Variants in EVL observed in about 807,000 individuals in gnomAD.
EVL encodes the protein Enah/Vasp-like.
EVL carries 21 observed loss-of-function variants against 59.6 expected under a neutral mutation model. The ratio of observed to expected loss-of-function variants is 0.35; its 90% confidence interval spans 0.25 to 0.51. EVL has a LOEUF of 0.51. Among genes scored for constraint, EVL ranks in the 20% least tolerant of loss-of-function variants. The pLI, the probability that EVL is intolerant of heterozygous loss-of-function variation, is 0.97. For synonymous variants in EVL, 198 were observed against 203.5 expected (o/e 0.97, Z 0.23); for missense variants, 462 against 546.6 (o/e 0.85, Z 1.54).
At chr14:100,136,630 G>T (rs899560795) in intron 9 of EVL, among the ~76,000 whole-genome samples, 1 of 152,164 alleles carries the variant, frequency 6.6e-6, no homozygotes, top group Non-Finnish European at 1.5e-5. Context: ...GGGCAGAGGA[G>T]GCTCTTGCCA....
chr14:99,973,253 G>A (rs184217588), intron 1 of EVL, among the ~76,000 whole-genome samples: 6 of 152,310 alleles, frequency 3.9e-5, no homozygotes, highest in Middle Eastern at 3.4e-3. Flanking sequence ...ACCAAAAAAT[G>A]TGTGAGAGTT....
At chr14:100,091,030 A>T (rs902625980) in intron 2 of EVL, among the ~76,000 whole-genome samples, 2 of 152,184 alleles carry the variant, frequency 1.3e-5, no homozygotes, top group African/African-American at 4.8e-5. Context: ...TGAATTTGGC[A>T]TGGTCACTGG....
chr14:100,076,956 A>G (rs908647518), intron 1 of EVL, among the ~76,000 whole-genome samples: 2 of 152,240 alleles, frequency 1.3e-5, no homozygotes, highest in African/African-American at 4.8e-5. Flanking sequence ...AATTCTCCAG[A>G]CAACCCTATA....
At chr14:100,026,651 T>A (rs546281942) in intron 1 of EVL, among the ~76,000 whole-genome samples, 1 of 152,196 alleles carries the variant, frequency 6.6e-6, no homozygotes, top group African/African-American at 2.4e-5. Flanking sequence ...GTGTAGTGCT[T>A]ACTACTGTGT....
chr14:99,976,943 A>G (rs1327208452), intron 1 of EVL, among the ~76,000 whole-genome samples: 2 of 151,946 alleles, frequency 1.3e-5, no homozygotes, highest in Admixed American at 6.6e-5. Context: ...TATTTCTTAC[A>G]TTTTTCCCAG....
At chr14:100,040,193 C>G (rs1236817226) in intron 1 of EVL, among the ~76,000 whole-genome samples, 2 of 152,192 alleles carry the variant, frequency 1.3e-5, no homozygotes, top group Non-Finnish European at 1.5e-5. Flanking sequence ...ACTTTGCTGC[C>G]CTTACTACAG....
chr14:99,980,204 C>G (rs1453181805), intron 1 of EVL, among the ~76,000 whole-genome samples: 1 of 152,146 alleles, frequency 6.6e-6, no homozygotes, highest in Non-Finnish European at 1.5e-5. Context: ...TTCAAATGGT[C>G]TGAAATATGA....
At chr14:99,981,493 A>G (rs1015331766) in intron 1 of EVL, among the ~76,000 whole-genome samples, 1 of 152,208 alleles carries the variant, frequency 6.6e-6, no homozygotes, top group Non-Finnish European at 1.5e-5. Flanking sequence ...TATAAATTAA[A>G]TCATATTGTT....
chr14:100,131,408 G>A lies in EVL; in HGVS notation c.840-1311G>A, dbSNP rs547623338. 2.0e-5 allele frequency among the ~76,000 whole-genome samples: 3 copies of A among 152,328 alleles called. No homozygotes were observed. The East Asian group carries it at 5.8e-4, about 29-fold the overall frequency. On this transcript the variant is annotated intron_variant, in intron 7 of 13. Transcript: ENST00000392920. ...GCTCTCTGAAATCCACCTCAGTGAT[G>A]GCTACTGGGTGGAGCCGACGATGAA...
intron 1 of EVL, among the ~76,000 whole-genome samples, chr14:100,046,278 C>T (rs904071462): frequency 6.6e-6 from 1 of 152,200 alleles, no homozygotes; most frequent in African/African-American, 2.4e-5. Context: ...TAAGGATACT[C>T]AGCCTCACAC....
At chr14:100,002,886 A>T (rs936471238) in intron 1 of EVL, among the ~76,000 whole-genome samples, 2 of 152,240 alleles carry the variant, frequency 1.3e-5, no homozygotes, top group Non-Finnish European at 2.9e-5. Flanking sequence ...AAGCAGCATG[A>T]AGCCAATTAA....
At chr14:100,005,299 G>A (rs1447547461) in intron 1 of EVL, among the ~76,000 whole-genome samples, 1 of 152,206 alleles carries the variant, frequency 6.6e-6, no homozygotes, top group East Asian at 1.9e-4. Flanking sequence ...AAGATTAGAA[G>A]TTATGGTAAT....
At position 99,995,510 on chromosome 14, in the gene EVL, T is replaced by G. The variant is rs190784274; in HGVS notation, c.5+23453T>G. Among the ~76,000 whole-genome samples, 30 of 152,056 alleles carry G rather than the reference T, an allele frequency of 2.0e-4. No individual in the cohort carries two copies. The East Asian group carries it at 5.6e-3, about 28-fold the overall frequency. Reference sequence around the variant, plus strand: ...GCATTGTTTTCCTGATTTCTTTAGTTTTCTATCTGTGTTGTCTTTTAGTTC... The same window carrying G: ...GCATTGTTTTCCTGATTTCTTTAGTGTTCTATCTGTGTTGTCTTTTAGTTC... On this transcript the variant is annotated intron_variant, in intron 1 of 13. Transcript: ENST00000402714.
intron 5 of EVL, 45 bp from the exon 6 acceptor site, chr14:100,128,474 C>G (rs1351549454): frequency 1.2e-6 from 2 of 1,604,476 alleles, no homozygotes; most frequent in Non-Finnish European, 1.7e-6. Flanking sequence ...GGCTTGGCCC[C>G]CAGCTGGGTG....
At chr14:100,010,138 A>AT (rs1026815298) in intron 1 of EVL, among the ~76,000 whole-genome samples, 4 of 152,150 alleles carry the variant, frequency 2.6e-5, no homozygotes, top group African/African-American at 9.7e-5. Context: ...TAGAATGCAG[A>AT]TTTTTCCCAC....
intron 1 of EVL, among the ~76,000 whole-genome samples, chr14:99,997,061 C>T (rs1398302616): frequency 6.6e-6 from 1 of 152,236 alleles, no homozygotes; most frequent in Non-Finnish European, 1.5e-5. Flanking sequence ...ACGGTACTGA[C>T]TGGACTGCTC....
intron 1 of EVL, among the ~76,000 whole-genome samples, chr14:100,000,864 G>A (rs781372723): frequency 7.9e-5 from 12 of 152,104 alleles, no homozygotes; most frequent in Non-Finnish European, 1.6e-4. Context: ...AGCATTTTTG[G>A]AGAAAGCATT....
At chr14:100,059,150 G>A (rs1328001204) in intron 1 of EVL, among the ~76,000 whole-genome samples, 5 of 152,188 alleles carry the variant, frequency 3.3e-5, no homozygotes, top group African/African-American at 1.2e-4. Context: ...ATGAAACTGT[G>A]TAAAATATGT....
chr14:100,125,997 C>T (rs943628579), intron 4 of EVL, among the ~76,000 whole-genome samples: 27 of 152,216 alleles, frequency 1.8e-4, no homozygotes, highest in African/African-American at 6.3e-4. Flanking sequence ...TTGCACCACA[C>T]GAGCTGAGCT....
Sources: gnomAD v4.1 joint callset for allele counts (sites outside exome capture counted in the v4.1 genomes callset) on GRCh38, gnomAD v4.1.1 for gene constraint, MANE v1.5 for transcripts, NCBI Gene and HGNC (gene_info 2026-07-23, HGNC 2026-07-21) for gene names.